The following UTY variants were observed in gnomAD, a reference collection of about 807,000 sequenced individuals.
UTY encodes the protein ubiquitously transcribed tetratricopeptide repeat containing, Y-linked.
A neutral mutation model predicts 32.5 loss-of-function variants in UTY; 12 were observed. The ratio of observed to expected loss-of-function variants is 0.37; its 90% CI spans 0.24 to 0.60. The LOEUF (loss-of-function observed/expected upper bound fraction) is 0.60, where lower values mean the gene tolerates loss of function less well. UTY is among the 20% of genes least tolerant of loss of function. The pLI, the probability that UTY is intolerant of heterozygous loss-of-function variation, is 0.69. For synonymous variants in UTY, 131 were observed against 103.4 expected, an observed-to-expected ratio of 1.27 and a Z score of -1.62; for missense variants, 303 against 299.2, an observed-to-expected ratio of 1.01 and a Z score of -0.09.
intron 27 of UTY, among the ~76,000 whole-genome samples, chrY:13,283,144 TG>T (rs2057137763): frequency 2.9e-5 from 1 of 34,592 alleles, no homozygotes; most frequent in Non-Finnish European, 7.3e-5. Flanking sequence ...TGGCTTGACT[TG>T]GTAAGACCAG....
At chrY:13,327,655 T>G in intron 18 of UTY, among the ~76,000 whole-genome samples, 1 of 33,550 alleles carries the variant, frequency 3.0e-5, no homozygotes, top group African/African-American at 1.2e-4. Context: ...GTATCTAGAT[T>G]TCAGTCTCTC....
intron 21 of UTY, among the ~76,000 whole-genome samples, chrY:13,309,503 A>C (rs2058896184): frequency 3.0e-5 from 1 of 33,000 alleles, no homozygotes; most frequent in Non-Finnish European, 7.5e-5. Context: ...AGGCAGGAGA[A>C]TGGCGTGAAC....
At chrY:13,461,245 G>A (rs2077338578) in intron 3 of UTY, among the ~76,000 whole-genome samples, 3 of 22,931 alleles carry the variant, frequency 1.3e-4, no homozygotes, top group African/African-American at 3.5e-4. Flanking sequence ...GGGAGGGAGC[G>A]AAAGAAGGAG....
At chrY:13,304,524 A>G (rs2058551866) in intron 24 of UTY, among the ~76,000 whole-genome samples, 1 of 33,281 alleles carries the variant, frequency 3.0e-5, no homozygotes, top group African/African-American at 1.2e-4. Flanking sequence ...ACTCAAAAGG[A>G]AAAAAAATCT....
At chrY:13,264,428 G>A in intron 27 of UTY, among the ~76,000 whole-genome samples, 1 of 32,973 alleles carries the variant, frequency 3.0e-5, no homozygotes, top group Non-Finnish European at 7.5e-5. Context: ...ACCTACTTGT[G>A]AGCATCGGTT....
intron 8 of UTY, among the ~76,000 whole-genome samples, chrY:13,379,815 G>A: frequency 7.3e-5 from 2 of 27,221 alleles, no homozygotes; most frequent in African/African-American, 1.5e-4. Flanking sequence ...GCTCAGAACA[G>A]ACTCATTAAA....
chrY:13,447,981 G>A (rs984938426), intron 4 of UTY, among the ~76,000 whole-genome samples: 3 of 33,651 alleles, frequency 8.9e-5, no homozygotes, highest in Admixed American at 2.7e-4. Flanking sequence ...GTAATGTACT[G>A]TAGTTTTATT....
chrY:13,297,962 G>C, intron 26 of UTY, 114 bp from the exon 27 acceptor site: 1 of 176,930 alleles, frequency 5.7e-6, no homozygotes, highest in Non-Finnish European at 1.0e-5. Context: ...TGAAAACCTT[G>C]AAACACCGTA....
intron 28 of UTY, 66 bp from the exon 29 acceptor site, chrY:13,251,253 T>A: frequency 4.1e-6 from 1 of 244,732 alleles, no homozygotes; most frequent in East Asian, 1.1e-4. Flanking sequence ...TTCAGCACTT[T>A]AACCATGGGG....
chrY:13,340,442 C>T (rs2061412945), intron 17 of UTY, among the ~76,000 whole-genome samples: 1 of 32,815 alleles, frequency 3.0e-5, no homozygotes, highest in Non-Finnish European at 7.5e-5. Context: ...TGGCCGCCTC[C>T]GGAGATTCAG....
At chrY:13,269,607 CA>C (rs1216505423) in intron 27 of UTY, among the ~76,000 whole-genome samples, 2 of 30,455 alleles carry the variant, frequency 6.6e-5, no homozygotes, top group Non-Finnish European at 1.6e-4. Context: ...CAAAACAAAA[CA>C]AAAAAAAACT....
At chrY:13,417,429 T>G in intron 4 of UTY, among the ~76,000 whole-genome samples, 1 of 33,890 alleles carries the variant, frequency 3.0e-5, no homozygotes. Flanking sequence ...TTATGTGCTA[T>G]AAACATAAAT....
At chrY:13,446,551 G>GAGATAGATAGAT (rs765977720) in intron 4 of UTY, among the ~76,000 whole-genome samples, 8 of 10,403 alleles carry the variant, frequency 7.7e-4, no homozygotes, top group East Asian at 2.7e-3. Context: ...GTAACAGTGT[G>GAGATAGATAGAT]AGATAGATAG....
intron 28 of UTY, among the ~76,000 whole-genome samples, chrY:13,241,546 A>G (rs1569402087): frequency 3.0e-5 from 1 of 33,624 alleles, no homozygotes; most frequent in East Asian, 7.8e-4. Context: ...AAAAAAGAAT[A>G]CAAAGGATCA....
In UTY at chrY:13,390,522, T is replaced by C. The variant is rs201701311; in HGVS notation, c.645+3337A>G. Among the ~76,000 whole-genome samples the C allele has an allele frequency of 1.9e-3, 64 of 34,138 alleles. No homozygotes were observed. The East Asian group carries it at 0.049, about 26-fold the overall frequency. The allele number at this position is 34,138 out of a possible 37,273, so 91.6% of individuals were successfully genotyped here. A position where few individuals can be genotyped will look rare whatever the true frequency, so the allele number is the denominator to read the frequency against. On this transcript the variant is annotated intron_variant, in intron 8 of 29. Coordinates refer to ENST00000545955, the MANE Select transcript of UTY (RefSeq NM_001258249.2). The stretch of plus-strand genomic sequence containing the variant: ...TAATCATATAATCATCTGTCTTTTA[T>C]GTTTATGTAGTATATCACACTGATT...
intron 28 of UTY, among the ~76,000 whole-genome samples, chrY:13,258,047 A>G (rs751714576): frequency 3.0e-5 from 1 of 33,624 alleles, no homozygotes; most frequent in African/African-American, 1.2e-4. Flanking sequence ...GGCTGGCAAT[A>G]ATGCCTGGAT....
Position 13,355,283 on chromosome Y carries a change from G to C in UTY, c.1781C>G (p.Thr594Ser). 2.5e-6 allele frequency: 1 copy of C among 398,034 alleles called. No individual in the cohort carries two copies. Among genetic ancestry groups the C allele is most frequent in the South Asian group, 3.0e-5 (1 of 33,663 alleles). ...VSNRQPHGAL[T>S]RVSSVSQPGV... ...AGGCTGAGAGACGCTAGATACTCTG[G>C]TCAGAGCACCATGTGGTTGTCGATT... Residue 594 changes from threonine (T) to serine (S), a missense_variant, in exon 17 of 30, where the codon ACC (threonine) becomes AGC (serine). Thr to Ser is a moderately conservative substitution (Grantham distance 58). Coordinates refer to ENST00000545955, the MANE Select transcript of UTY (RefSeq NM_001258249.2).
At chrY:13,433,743 A>G (rs2074257757) in intron 4 of UTY, among the ~76,000 whole-genome samples, 1 of 34,011 alleles carries the variant, frequency 2.9e-5, no homozygotes, top group Admixed American at 2.6e-4. Flanking sequence ...CATGCTTCTG[A>G]GTAGAAACTT....
intron 21 of UTY, among the ~76,000 whole-genome samples, chrY:13,316,118 C>T: frequency 3.1e-5 from 1 of 32,766 alleles, no homozygotes; most frequent in Non-Finnish European, 7.5e-5. Flanking sequence ...ACTGAGGTAA[C>T]CAAAGAGGGA....
Sources: gnomAD v4.1 joint callset for allele counts (sites outside exome capture counted in the v4.1 genomes callset) on GRCh38, gnomAD v4.1.1 for gene constraint, MANE v1.5 for transcripts, NCBI Gene and HGNC (gene_info 2026-07-23, HGNC 2026-07-21) for gene names.